The following EXD1 variants were observed in gnomAD, a reference collection of about 807,000 sequenced individuals.
EXD1 encodes piRNA biogenesis protein EXD1.
A neutral mutation model predicts 49.1 loss-of-function variants in EXD1; 63 were observed. That is an observed-to-expected ratio of 1.28 (90% CI 1.05 to 1.58). EXD1 has a LOEUF of 1.58. Among genes scored for constraint, EXD1 ranks in the 40% most tolerant of loss-of-function variants. EXD1 has a pLI of 0.00. For missense variants in EXD1, 748 were observed against 666.0 expected (o/e 1.12, Z -1.36); for synonymous variants, 234 against 239.2 (o/e 0.98, Z 0.20).
intron 9 of EXD1, among the ~76,000 whole-genome samples, chr15:41,193,672 C>T (rs987979235): frequency 1.3e-5 from 2 of 151,668 alleles, no homozygotes; most frequent in African/African-American, 2.4e-5. Flanking sequence ...CCCAGGACTT[C>T]GAGGCCACAT....
At chr15:41,199,795 ATATATAT>A (rs1433505596) in intron 7 of EXD1, among the ~76,000 whole-genome samples, 2 of 93,232 alleles carry the variant, frequency 2.1e-5, no homozygotes, top group Non-Finnish European at 3.9e-5. Flanking sequence ...ATATAATGTC[ATATATAT>A]TATATATGTC....
rs148189289 is a variant in EXD1 at position 41,194,241 on chromosome 15, G to A, written c.720+1534C>T. ...TTAGCCAGGATGGTCTCAATCTCCT[G>A]AACTCGTGATCTGCCCACCTTGGCC... On this transcript the variant is annotated intron_variant, in intron 9 of 11. Transcript: ENST00000458580. 6.1e-3 allele frequency among the ~76,000 whole-genome samples: 925 copies of A among 152,156 alleles called. 10 individuals carry two copies. The highest frequency in any genetic ancestry group is 0.021 in the African/African-American group (882 of 41,516).
At chr15:41,208,026 GAA>G (rs2046861213) in intron 7 of EXD1, among the ~76,000 whole-genome samples, 1 of 146,034 alleles carries the variant, frequency 6.8e-6, no homozygotes, top group East Asian at 2.0e-4. Context: ...AAAAAAAAAA[GAA>G]AGAGAGAAAA....
At chr15:41,190,194 G>T in intron 10 of EXD1, 66 bp from the exon 11 acceptor site, 1 of 1,555,098 alleles carries the variant, frequency 6.4e-7, no homozygotes, top group Non-Finnish European at 8.8e-7. Flanking sequence ...ACTGTTTTAG[G>T]CTGGGCACAG....
intron 11 of EXD1, among the ~76,000 whole-genome samples, chr15:41,189,299 C>T (rs1055766206): frequency 1.3e-5 from 2 of 151,588 alleles, no homozygotes; most frequent in Non-Finnish European, 1.5e-5. Flanking sequence ...ACCCAGGAGG[C>T]GGAGGCTACA....
rs1289617676 is a variant in EXD1 at position 41,216,771 on chromosome 15, C to T, written c.285G>A (p.Met95Ile). 1.9e-6 allele frequency: 3 copies of T among 1,613,660 alleles called. No individual in the cohort carries two copies. In the African/African-American group the frequency reaches 4.0e-5, roughly 22 times the overall value. ...SVSLHAERTW[M>I]EKMKVEDLNV... Reference sequence around the variant, plus strand: ...TTAGGTCTTCAACTTTCATTTTCTCCATCCAGGTTCTTTCTGCATGTAGAC... The same window carrying T: ...TTAGGTCTTCAACTTTCATTTTCTCTATCCAGGTTCTTTCTGCATGTAGAC... Residue 95 changes from methionine to isoleucine, a missense_variant, in exon 5 of 12, where the codon ATG (methionine) becomes ATA (isoleucine). By Grantham distance (10) the Met-to-Ile change is conservative. Transcript: ENST00000458580.
At chr15:41,212,587 C>T (rs1471176091) in intron 6 of EXD1, among the ~76,000 whole-genome samples, 1 of 152,170 alleles carries the variant, frequency 6.6e-6, no homozygotes, top group Non-Finnish European at 1.5e-5. Context: ...CAATTTCACT[C>T]CTAGGTAACT....
chr15:41,222,657 T>C (rs80091355), intron 2 of EXD1, among the ~76,000 whole-genome samples: 1 of 129,188 alleles, frequency 7.7e-6, no homozygotes, highest in African/African-American at 3.1e-5. Context: ...TTTTTTTTTT[T>C]GCTGGACGCG....
At chr15:41,213,573 T>C (rs1238636517) in intron 6 of EXD1, among the ~76,000 whole-genome samples, 2 of 150,986 alleles carry the variant, frequency 1.3e-5, no homozygotes, top group Non-Finnish European at 1.5e-5. Flanking sequence ...TGGAGTATAG[T>C]GGCATGATCT....
intron 7 of EXD1, among the ~76,000 whole-genome samples, chr15:41,206,836 A>G (rs532942042): frequency 3.3e-4 from 45 of 137,456 alleles, no homozygotes; most frequent in Non-Finnish European, 5.5e-4. Context: ...TGGCCAGGCT[A>G]GTCTCAAACC....
chr15:41,198,249 C>A (rs2046646638), intron 7 of EXD1, among the ~76,000 whole-genome samples: 1 of 152,014 alleles, frequency 6.6e-6, no homozygotes, highest in African/African-American at 2.4e-5. Flanking sequence ...GCACTAGTCA[C>A]AGGAAAGACA....
chr15:41,219,969 T>A, intron 2 of EXD1, 71 bp from the exon 3 acceptor site: 1 of 1,174,920 alleles, frequency 8.5e-7, no homozygotes, highest in Non-Finnish European at 1.2e-6. Context: ...ATGATGCCTC[T>A]CAAAATTTCC....
At chr15:41,222,156 T>C (rs2047098330) in intron 2 of EXD1, among the ~76,000 whole-genome samples, 1 of 151,864 alleles carries the variant, frequency 6.6e-6, no homozygotes, top group Admixed American at 6.6e-5. Flanking sequence ...GGCTCATGCC[T>C]GTAATCCCAG....
intron 1 of EXD1, among the ~76,000 whole-genome samples, chr15:41,229,517 A>C (rs772934992): frequency 1.3e-4 from 20 of 151,754 alleles, no homozygotes; most frequent in Non-Finnish European, 2.8e-4. Context: ...GCCTGTAATC[A>C]CAGCACTTTG....
chr15:41,192,948 C>T (rs896967436), intron 9 of EXD1, among the ~76,000 whole-genome samples: 1 of 151,970 alleles, frequency 6.6e-6, no homozygotes, highest in Admixed American at 6.6e-5. Context: ...AGGCGCCCGC[C>T]ACCACGCCCA....
At position 41,192,594 on chromosome 15, in the gene EXD1, A is replaced by ATTTTTTTTTTTTT. The variant is rs59054803; in HGVS notation, c.721-1022_721-1010dup. ...ACAGGCGTGAACCACTGCGCCAGGC[A>ATTTTTTTTTTTTT]TTTTTTTTTTTTTTTTTTTTTTTTT... On this transcript the variant is annotated intron_variant, in intron 9 of 11. Coordinates refer to ENST00000458580, the MANE Select transcript of EXD1 (RefSeq NM_001286441.2). 2.4e-4 allele frequency among the ~76,000 whole-genome samples: 10 copies of ATTTTTTTTTTTTT among 40,838 alleles called. 2 individuals carry two copies. The highest frequency in any genetic ancestry group is 6.6e-4 in the Admixed American group (2 of 3,020). The allele number at this position is 40,838 out of a possible 152,430, so 26.8% of individuals were successfully genotyped here. A position where few individuals can be genotyped will look rare whatever the true frequency, so the allele number is the denominator to read the frequency against.
intron 7 of EXD1, among the ~76,000 whole-genome samples, chr15:41,203,962 T>C (rs2046777853): frequency 7.9e-6 from 1 of 126,060 alleles, no homozygotes; most frequent in Admixed American, 8.3e-5. Context: ...AATATTACTC[T>C]AGGCCAGGTG....
At chr15:41,192,605 T>A (rs2046542208) in intron 9 of EXD1, among the ~76,000 whole-genome samples, 1 of 92,572 alleles carries the variant, frequency 1.1e-5, no homozygotes, top group Non-Finnish European at 2.1e-5. Context: ...TTTTTTTTTT[T>A]TTTTTTTTTT....
At chr15:41,206,403 G>A (rs1036641296) in intron 7 of EXD1, among the ~76,000 whole-genome samples, 44 of 147,530 alleles carry the variant, frequency 3.0e-4, no homozygotes, top group African/African-American at 1.1e-3. Context: ...CTGAGAGGCA[G>A]AGATGCAGTA....
Sources: gnomAD v4.1 joint callset for allele counts (sites outside exome capture counted in the v4.1 genomes callset) on GRCh38, gnomAD v4.1.1 for gene constraint, MANE v1.5 for transcripts, NCBI Gene and HGNC (gene_info 2026-07-23, HGNC 2026-07-21) for gene names.